The following SHANK2 variants were observed in gnomAD, a reference collection of about 807,000 sequenced individuals.
SHANK2 encodes SH3 and multiple ankyrin repeat domains protein 2.
Under a neutral mutation model 133.7 loss-of-function variants are expected in SHANK2, and 43 were observed. That is an observed-to-expected ratio of 0.32 (90% confidence interval 0.25 to 0.41). The LOEUF (loss-of-function observed/expected upper bound fraction) is 0.41. Ranked by LOEUF, SHANK2 falls within the 10% of genes least tolerant of loss-of-function variation. The pLI, the probability that SHANK2 is intolerant of heterozygous loss-of-function variation, is 1.00. For synonymous variants in SHANK2, 1,017 were observed against 952.8 expected (o/e 1.07, Z -1.24); for missense variants, 1,994 against 2,235.8 (o/e 0.89, Z 2.18).
At chr11:70,549,043 A>G (rs1367409485) in intron 17 of SHANK2, among the ~76,000 whole-genome samples, 3 of 152,110 alleles carry the variant, frequency 2.0e-5, no homozygotes, top group African/African-American at 7.2e-5. Flanking sequence ...CTAGCCCCCA[A>G]ACTGTCAGAG....
At chr11:70,909,033 G>A (rs1190661283) in intron 10 of SHANK2, among the ~76,000 whole-genome samples, 1 of 152,162 alleles carries the variant, frequency 6.6e-6, no homozygotes, top group Non-Finnish European at 1.5e-5. Context: ...AAAAACATCA[G>A]CGTGTAAGTT....
intron 3 of SHANK2, among the ~76,000 whole-genome samples, chr11:71,138,734 T>C (rs1415608215): frequency 6.9e-6 from 1 of 144,640 alleles, no homozygotes; most frequent in African/African-American, 2.6e-5. Flanking sequence ...AAGGGTGCAG[T>C]GAGTTGTGAT....
At chr11:71,070,347 G>A (rs1343504723) in intron 9 of SHANK2, among the ~76,000 whole-genome samples, 1 of 152,224 alleles carries the variant, frequency 6.6e-6, no homozygotes, top group East Asian at 1.9e-4. Flanking sequence ...TGTAGCCAGA[G>A]GTCAAGGGGC....
intron 17 of SHANK2, among the ~76,000 whole-genome samples, chr11:70,545,163 C>T (rs2059674364): frequency 6.6e-6 from 1 of 152,220 alleles, no homozygotes; most frequent in Non-Finnish European, 1.5e-5. Context: ...CTCTTTTTGT[C>T]TGAGAATGGA....
intron 17 of SHANK2, among the ~76,000 whole-genome samples, chr11:70,533,588 G>A (rs1480681253): frequency 2.0e-5 from 3 of 152,144 alleles, no homozygotes; most frequent in Non-Finnish European, 4.4e-5. Context: ...GTGCCCCTCT[G>A]TTCCCCAATG....
At chr11:70,729,804 A>C (rs1171232345) in intron 14 of SHANK2, among the ~76,000 whole-genome samples, 5 of 149,752 alleles carry the variant, frequency 3.3e-5, no homozygotes, top group African/African-American at 1.2e-4. Context: ...AAGTGCTGGG[A>C]TTACAGGCTT....
chr11:70,658,248 C>CAG (rs2061433748), intron 17 of SHANK2, among the ~76,000 whole-genome samples: 14 of 117,856 alleles, frequency 1.2e-4, no homozygotes, highest in African/African-American at 6.2e-4. Flanking sequence ...CACACACAGA[C>CAG]ACACACACAC....
Position 71,113,300 on chromosome 11 carries a change from T to G in SHANK2, c.476A>C (p.His159Pro). The change falls in exon 5 of 26, where the codon CAC becomes CCC. Residue 159 changes from histidine to proline, a missense_variant. Transcript: ENST00000601538. Reference sequence around the variant, plus strand: ...AGCCCGTTCCCTGCATACCTTCGTGTGGAGCTTGGCCAACTGTTTCTCATC... The same window carrying G: ...AGCCCGTTCCCTGCATACCTTCGTGGGGAGCTTGGCCAACTGTTTCTCATC... ...SLDEKQLAKL[H>P]TKTNLKKCMD... 1.3e-6 allele frequency: 2 copies of G among 1,551,724 alleles called. No individual in the cohort carries two copies. Among genetic ancestry groups the G allele is most frequent in the East Asian group, 4.9e-5 (2 of 40,914 alleles).
At chr11:71,127,433 A>G (rs1386022462) in intron 3 of SHANK2, among the ~76,000 whole-genome samples, 1 of 152,232 alleles carries the variant, frequency 6.6e-6, no homozygotes, top group East Asian at 1.9e-4. Context: ...TGCATGCTAC[A>G]GAGAAATCGT....
intron 21 of SHANK2, among the ~76,000 whole-genome samples, chr11:70,499,798 G>A (rs1244665928): frequency 7.9e-5 from 12 of 152,216 alleles, no homozygotes; most frequent in African/African-American, 2.7e-4. Context: ...CACAGGTCGG[G>A]ACAGTGGTGG....
At chr11:71,206,366 C>CAG (rs1954126974) in intron 2 of SHANK2, among the ~76,000 whole-genome samples, 1 of 152,166 alleles carries the variant, frequency 6.6e-6, no homozygotes, top group Non-Finnish European at 1.5e-5. Flanking sequence ...TGTTGGAAGC[C>CAG]AACTCTTCCC....
At chr11:70,849,693 T>C (rs1270218462) in intron 11 of SHANK2, among the ~76,000 whole-genome samples, 3 of 152,184 alleles carry the variant, frequency 2.0e-5, no homozygotes, top group African/African-American at 7.2e-5. Context: ...GTCAAAAGAA[T>C]GAAACCACAG....
chr11:70,802,624 C>T (rs1555050785), intron 13 of SHANK2, among the ~76,000 whole-genome samples: 1 of 152,178 alleles, frequency 6.6e-6, no homozygotes, highest in Non-Finnish European at 1.5e-5. Flanking sequence ...TAAATTGACA[C>T]AGGACTTACT....
At chr11:70,799,402 C>CA (rs532517391) in intron 13 of SHANK2, among the ~76,000 whole-genome samples, 94 of 146,766 alleles carry the variant, frequency 6.4e-4, no homozygotes, top group Middle Eastern at 3.5e-3. Context: ...GACTCCATCT[C>CA]AAAAAAAAAA....
intron 17 of SHANK2, among the ~76,000 whole-genome samples, chr11:70,595,894 G>C (rs1401565303): frequency 6.6e-6 from 1 of 152,238 alleles, no homozygotes; most frequent in Non-Finnish European, 1.5e-5. Context: ...ATTAGGGTAG[G>C]ACTTTATTCC....
At position 71,230,601 on chromosome 11, in the gene SHANK2, A is replaced by G. The variant is rs192434924; in HGVS notation, c.-112-5805T>C. ...AAAAAAGAAAGTATATGGAAAGGCA[A>G]AAGAACTAGGAAAACTAACAGTTTG... is the stretch of plus-strand genomic sequence containing the variant. On this transcript the variant is annotated intron_variant, in intron 1 of 25. Coordinates refer to ENST00000601538, the MANE Select transcript of SHANK2 (RefSeq NM_012309.5). Among the ~76,000 whole-genome samples the G allele has an allele frequency of 2.5e-3, 381 of 152,090 alleles. 1 individual carries two copies. In the Middle Eastern group the frequency reaches 0.044, roughly 18 times the overall value.
At chr11:70,641,506 G>A (rs540487779) in intron 17 of SHANK2, among the ~76,000 whole-genome samples, 5 of 152,312 alleles carry the variant, frequency 3.3e-5, no homozygotes, top group African/African-American at 7.2e-5. Flanking sequence ...CAGCAAGACC[G>A]CCTGCCCCAG....
At chr11:71,138,657 A>G (rs2135370256) in intron 3 of SHANK2, among the ~76,000 whole-genome samples, 1 of 152,104 alleles carries the variant, frequency 6.6e-6, no homozygotes, top group Admixed American at 6.5e-5. Context: ...TCTCTACTAA[A>G]AAGAAAAAAA....
At chr11:70,664,144 C>A (rs1944635772) in intron 15 of SHANK2, among the ~76,000 whole-genome samples, 1 of 152,210 alleles carries the variant, frequency 6.6e-6, no homozygotes, top group Non-Finnish European at 1.5e-5. Context: ...GTCCATGAGG[C>A]ATTGATGAGC....
Sources: allele counts gnomAD v4.1 joint callset (sites outside exome capture counted in the v4.1 genomes callset), GRCh38; gene constraint gnomAD v4.1.1; transcripts MANE v1.5; gene names NCBI Gene and HGNC (gene_info 2026-07-23, HGNC 2026-07-21).